The following LYZL4 variants were observed in gnomAD, a reference collection of about 807,000 sequenced individuals.
LYZL4 encodes the protein lysozyme-like protein 4.
A neutral mutation model predicts 17.6 loss-of-function variants in LYZL4; 13 were observed. That is an observed-to-expected ratio of 0.74 (90% CI 0.48 to 1.18). LYZL4 has a LOEUF of 1.18. LYZL4 is among the 50% of genes most tolerant of loss of function. The probability of loss-of-function intolerance (pLI) is 0.00; values close to 1 mark genes in which losing one functional copy is unlikely to be tolerated. For missense variants in LYZL4, 174 were observed against 188.2 expected (o/e 0.92, Z 0.44); for synonymous variants, 64 against 67.7 (o/e 0.95, Z 0.27).
At position 42,407,269 on chromosome 3, in the gene LYZL4, C is replaced by A. The variant is rs1329625220; in HGVS notation, c.-18G>T. On this transcript the variant is annotated 5_prime_UTR_variant, in exon 2 of 5. Transcript: ENST00000287748. ...GCCTTCATCTTCTCCAGGCTCCTGG[C>A]AGGTCAGGGCAACGGTGGCCAGATG... 1.2e-6 allele frequency: 2 copies of A among 1,613,698 alleles called. No individual in the cohort carries two copies. The highest frequency in any genetic ancestry group is 1.7e-6 in the Non-Finnish European group (2 of 1,179,890).
chr3:42,385,599 A>C, the LYZL4 span, among the ~76,000 whole-genome samples: 85,691 of 151,654 alleles, frequency 0.57, 25,879 homozygotes, highest in East Asian at 0.79. Flanking sequence ...CCTACTGAGG[A>C]AGAGATGATG....
At chr3:42,408,957 T>G (rs1202643189) in intron 1 of LYZL4, among the ~76,000 whole-genome samples, 2 of 152,212 alleles carry the variant, frequency 1.3e-5, no homozygotes, top group Non-Finnish European at 2.9e-5. Flanking sequence ...GGGCAAAAGT[T>G]AGAAATAAGT....
At chr3:42,370,773 G>A in the LYZL4 span, among the ~76,000 whole-genome samples, 1 of 152,144 alleles carries the variant, frequency 6.6e-6, no homozygotes, top group Non-Finnish European at 1.5e-5. Flanking sequence ...TCCTCTCTTT[G>A]CTAAAGTTAG....
chr3:42,403,468 G>T (rs1436221177), intron 4 of LYZL4, among the ~76,000 whole-genome samples: 1 of 151,900 alleles, frequency 6.6e-6, no homozygotes, highest in East Asian at 1.9e-4. Flanking sequence ...TAGAGACGAG[G>T]TTTTGCCATG....
the LYZL4 span, among the ~76,000 whole-genome samples, chr3:42,362,818 A>G: frequency 2.6e-5 from 4 of 152,356 alleles, no homozygotes; most frequent in East Asian, 7.7e-4. Flanking sequence ...GTATCACCCC[A>G]TAGATTACAA....
At chr3:42,365,199 T>G in the LYZL4 span, among the ~76,000 whole-genome samples, 1 of 152,286 alleles carries the variant, frequency 6.6e-6, no homozygotes. Flanking sequence ...TGAATATGGT[T>G]TGAGTATTAA....
downstream of LYZL4, among the ~76,000 whole-genome samples, chr3:42,396,220 T>A (rs1275143926): frequency 6.6e-6 from 1 of 152,228 alleles, no homozygotes; most frequent in African/African-American, 2.4e-5. Context: ...GCTTTCTCCA[T>A]ACTACTCTAG....
At chr3:42,379,148 GCTTATGC>G in the LYZL4 span, among the ~76,000 whole-genome samples, 1 of 152,192 alleles carries the variant, frequency 6.6e-6, no homozygotes, top group African/African-American at 2.4e-5. Context: ...AGCAGGGTCA[GCTTATGC>G]CTGCTCCACA....
chr3:42,388,360 C>A, the LYZL4 span, among the ~76,000 whole-genome samples: 19 of 152,266 alleles, frequency 1.2e-4, no homozygotes, highest in Admixed American at 7.8e-4. Flanking sequence ...CAAACAACAA[C>A]AAAAAACTCC....
At chr3:42,372,192 A>G in the LYZL4 span, among the ~76,000 whole-genome samples, 1 of 152,216 alleles carries the variant, frequency 6.6e-6, no homozygotes, top group Non-Finnish European at 1.5e-5. Context: ...TCAGGTGAGC[A>G]TCATGTGATG....
the LYZL4 span, among the ~76,000 whole-genome samples, chr3:42,385,010 G>A: frequency 4.4e-4 from 67 of 152,106 alleles, no homozygotes; most frequent in East Asian, 9.7e-3. Flanking sequence ...TGATCTTCAC[G>A]ACAAAATCTA....
chr3:42,394,254 C>A (rs247418), downstream of LYZL4, among the ~76,000 whole-genome samples: 1 of 152,186 alleles, frequency 6.6e-6, no homozygotes, highest in East Asian at 1.9e-4. Flanking sequence ...TTGCCTAATA[C>A]CTCTTAAGTG....
downstream of LYZL4, among the ~76,000 whole-genome samples, chr3:42,394,824 G>A (rs922644897): frequency 2.0e-5 from 3 of 152,222 alleles, no homozygotes; most frequent in African/African-American, 7.2e-5. Flanking sequence ...GAAGCAATGG[G>A]CTGGAAAGAG....
chr3:42,374,894 C>A, the LYZL4 span, among the ~76,000 whole-genome samples: 1 of 152,144 alleles, frequency 6.6e-6, no homozygotes, highest in Non-Finnish European at 1.5e-5. Flanking sequence ...ATGATCACAG[C>A]CCACTGAAGC....
chr3:42,377,279 C>G, the LYZL4 span, among the ~76,000 whole-genome samples: 4 of 152,190 alleles, frequency 2.6e-5, no homozygotes, highest in African/African-American at 7.2e-5. Flanking sequence ...TTAACCCTCA[C>G]TGTCTGCCTA....
intron 1 of LYZL4, among the ~76,000 whole-genome samples, chr3:42,408,765 C>T (rs973642680): frequency 5.9e-5 from 9 of 152,172 alleles, no homozygotes; most frequent in Middle Eastern, 3.2e-3. Flanking sequence ...TATACACCTA[C>T]ACCGGGGGTT....
At chr3:42,364,341 C>CTTTTTTTTTTTTTT in the LYZL4 span, among the ~76,000 whole-genome samples, 2 of 119,888 alleles carry the variant, frequency 1.7e-5, no homozygotes, top group African/African-American at 3.3e-5. Context: ...TTTTTCTTTT[C>CTTTTTTTTTTTTTT]TTTTTTTTTT....
the LYZL4 span, among the ~76,000 whole-genome samples, chr3:42,389,594 T>G: frequency 6.6e-6 from 1 of 152,190 alleles, no homozygotes; most frequent in Non-Finnish European, 1.5e-5. Flanking sequence ...CAGAAATAAC[T>G]ACTTTCCTTT....
At chr3:42,395,269 A>G (rs918186774), downstream of LYZL4, among the ~76,000 whole-genome samples, 1 of 152,254 alleles carries the variant, frequency 6.6e-6, no homozygotes, top group Non-Finnish European at 1.5e-5. Context: ...CCTTTCACGT[A>G]GCCACTTTTT....
Sources: allele counts gnomAD v4.1 joint callset (sites outside exome capture counted in the v4.1 genomes callset), GRCh38; gene constraint gnomAD v4.1.1; transcripts MANE v1.5; gene names NCBI Gene and HGNC (gene_info 2026-07-23, HGNC 2026-07-21).